The following TTLL5 variants were observed in gnomAD, a reference collection of about 807,000 sequenced individuals.
The protein encoded by TTLL5 is tubulin polyglutamylase TTLL5.
A neutral mutation model predicts 168.4 loss-of-function variants in TTLL5; 132 were observed. The ratio of observed to expected loss-of-function variants is 0.78; its 90% CI spans 0.68 to 0.91. The LOEUF (loss-of-function observed/expected upper bound fraction) is 0.91. Among genes scored for constraint, TTLL5 ranks in the 40% least tolerant of loss-of-function variants. The pLI is 0.00. For synonymous variants in TTLL5, 546 were observed against 558.6 expected (o/e 0.98, Z 0.32); for missense variants, 1,545 against 1,581.5 (o/e 0.98, Z 0.39).
At chr14:75,932,022 A>G (rs968622345) in intron 31 of TTLL5, among the ~76,000 whole-genome samples, 67 of 152,370 alleles carry the variant, frequency 4.4e-4, no homozygotes, top group African/African-American at 1.5e-3. Context: ...CAATACATAA[A>G]TATGGGATAA....
intron 9 of TTLL5, chr14:75,710,789 A>T (rs1027385073): frequency 6.6e-6 from 1 of 152,216 alleles, no homozygotes; most frequent in African/African-American, 2.4e-5. Context: ...GCTTTTAGTT[A>T]TCTTGGGCCA....
intron 31 of TTLL5, among the ~76,000 whole-genome samples, chr14:75,950,173 A>G (rs568489502): frequency 6.6e-6 from 1 of 152,260 alleles, no homozygotes; most frequent in Non-Finnish European, 1.5e-5. Context: ...TAGAAGAGGA[A>G]GGGATAGATT....
chr14:75,709,927 A>T (rs973628976), intron 9 of TTLL5: 2 of 149,512 alleles, frequency 1.3e-5, no homozygotes, highest in Admixed American at 1.3e-4. Flanking sequence ...GACTTCTCAG[A>T]TATGCAAGGT....
chr14:75,822,445 C>T (rs935817633), intron 28 of TTLL5, among the ~76,000 whole-genome samples: 26 of 152,136 alleles, frequency 1.7e-4, no homozygotes, highest in African/African-American at 6.3e-4. Context: ...AAGTTACTCT[C>T]AATAGTTTTT....
In TTLL5 at chr14:75,766,382, A is replaced by G. The variant is rs369241557; in HGVS notation, c.2015+14A>G. 12 of 1,589,894 alleles carry G rather than the reference A, an allele frequency of 7.5e-6. No individual in the cohort carries two copies. The highest frequency in any genetic ancestry group is 1.4e-5 in the African/African-American group (1 of 73,954). On this transcript the variant is annotated intron_variant, in intron 20 of 31. Transcript: ENST00000298832. Reference sequence around the variant, plus strand: ...TGGCAATCTTAGGTATGTATCTTTTATAATTATATTAGTAAAACTGATAAC... The same window carrying G: ...TGGCAATCTTAGGTATGTATCTTTTGTAATTATATTAGTAAAACTGATAAC...
chr14:75,739,110 T>G (rs1036625545), intron 15 of TTLL5, among the ~76,000 whole-genome samples: 1 of 152,128 alleles, frequency 6.6e-6, no homozygotes, highest in African/African-American at 2.4e-5. Flanking sequence ...GCCCGGCCTT[T>G]GATATGTAAT....
chr14:75,898,517 C>G (rs1307759251), intron 30 of TTLL5, among the ~76,000 whole-genome samples: 1 of 152,142 alleles, frequency 6.6e-6, no homozygotes, highest in East Asian at 1.9e-4. Context: ...TACCACACGC[C>G]TGTAGTCCCA....
At chr14:75,846,312 G>A (rs939957975) in intron 28 of TTLL5, among the ~76,000 whole-genome samples, 1 of 152,164 alleles carries the variant, frequency 6.6e-6, no homozygotes, top group South Asian at 2.1e-4. Flanking sequence ...GACTCTAGGG[G>A]ATAGAAATTG....
chr14:75,759,681 T>C (rs1373725090), intron 18 of TTLL5, among the ~76,000 whole-genome samples: 1 of 152,114 alleles, frequency 6.6e-6, no homozygotes, highest in Non-Finnish European at 1.5e-5. Flanking sequence ...ATAATACATA[T>C]GACTGAGATT....
At position 75,669,486 on chromosome 14, in the gene TTLL5, A is replaced by C; in HGVS notation, c.145A>C (p.Ile49Leu). Residue 49 changes from isoleucine to leucine, a missense_variant, in exon 3 of 32, where the codon ATT becomes CTT. Ile to Leu is a conservative substitution (Grantham distance 5). Coordinates refer to ENST00000298832, the MANE Select transcript of TTLL5 (RefSeq NM_015072.5). Reference protein sequence around the residue: ...IPVLVFHADAILTKDNNIRVI... With the variant: ...IPVLVFHADALLTKDNNIRVI... ...AGTTTTGGTATTCCATGCCGACGCT[A>C]TTCTTACAAAGGACAACAATATTAG... 1 of 1,614,138 alleles carries C rather than the reference A, an allele frequency of 6.2e-7. No individual in the cohort carries two copies. Among genetic ancestry groups the C allele is most frequent in the Non-Finnish European group, 8.5e-7 (1 of 1,179,970 alleles).
At chr14:75,710,552 T>C (rs1332743338) in intron 9 of TTLL5, 1 of 152,154 alleles carries the variant, frequency 6.6e-6, no homozygotes, top group Non-Finnish European at 1.5e-5. Flanking sequence ...CCTGAAAGTG[T>C]AGGTGAATAT....
intron 15 of TTLL5, chr14:75,737,673 T>A: frequency 6.8e-7 from 1 of 1,474,420 alleles, no homozygotes; most frequent in Admixed American, 2.2e-5. Flanking sequence ...GAAAGTTTTT[T>A]AGCTTTAGTT....
chr14:75,806,177 C>T (rs1019889920), intron 27 of TTLL5, among the ~76,000 whole-genome samples: 1 of 151,958 alleles, frequency 6.6e-6, no homozygotes, highest in African/African-American at 2.4e-5. Context: ...ATTACAGATG[C>T]CTGCCGCCAT....
At chr14:75,902,426 T>C in intron 31 of TTLL5, 1 of 674,974 alleles carries the variant, frequency 1.5e-6, no homozygotes, top group South Asian at 1.6e-5. Flanking sequence ...TTTCTGGAAC[T>C]AGCTTGGGGT....
At chr14:75,939,542 G>C (rs2034534565) in intron 31 of TTLL5, among the ~76,000 whole-genome samples, 1 of 152,076 alleles carries the variant, frequency 6.6e-6, no homozygotes, top group African/African-American at 2.4e-5. Flanking sequence ...GCAACACCAC[G>C]TCCAGCTAAT....
At chr14:75,767,095 G>A (rs937486615) in intron 20 of TTLL5, among the ~76,000 whole-genome samples, 18 of 151,676 alleles carry the variant, frequency 1.2e-4, no homozygotes, top group Admixed American at 1.1e-3. Context: ...CCTGGAAGGT[G>A]GAGTTTGCAG....
chr14:75,901,884 A>G lies in TTLL5; in HGVS notation c.3741-258A>G, dbSNP rs140313474. 1.4e-3 allele frequency among the ~76,000 whole-genome samples: 209 copies of G among 152,326 alleles called. 1 individual carries two copies. The highest frequency in any genetic ancestry group is 0.01 in the Middle Eastern group (3 of 294). On this transcript the variant is annotated intron_variant, in intron 30 of 31. Coordinates refer to ENST00000298832, the MANE Select transcript of TTLL5 (RefSeq NM_015072.5). ...GGCACTGGAGACACAGCAATGATGA[A>G]GGCCCATGCTTTCTTGATACTACAT...
chr14:75,663,311 CT>C, intron 2 of TTLL5, 88 bp downstream of exon 2: 1 of 1,264,110 alleles, frequency 7.9e-7, no homozygotes, highest in Non-Finnish European at 1.1e-6. Flanking sequence ...ATACTCTTCT[CT>C]TTTACTTATG....
At chr14:75,937,283 A>ATTT (rs59787253) in intron 31 of TTLL5, among the ~76,000 whole-genome samples, 1 of 140,078 alleles carries the variant, frequency 7.1e-6, no homozygotes, top group African/African-American at 2.6e-5. Context: ...CGTCCAGCTA[A>ATTT]TTTTTTTTTT....
Sources: gnomAD v4.1 joint callset for allele counts (sites outside exome capture counted in the v4.1 genomes callset) on GRCh38, gnomAD v4.1.1 for gene constraint, MANE v1.5 for transcripts, NCBI Gene and HGNC (gene_info 2026-07-23, HGNC 2026-07-21) for gene names.